The following JAM3 variants were observed in gnomAD, a reference collection of about 807,000 sequenced individuals.
JAM3 encodes the protein junctional adhesion molecule C.
A neutral mutation model predicts 39.4 loss-of-function variants in JAM3; 31 were observed. The observed-to-expected ratio is 0.79, with a 90% CI of 0.59 to 1.06. JAM3 has a LOEUF of 1.06. Ranked by LOEUF, JAM3 falls within the 50% of genes least tolerant of loss-of-function variation. The pLI is 0.00. For synonymous variants in JAM3, 182 were observed against 148.7 expected (o/e 1.22, Z -1.63); for missense variants, 455 against 391.4 (o/e 1.16, Z -1.37).
chr11:134,121,002 G>T (rs1047852878), intron 1 of JAM3, among the ~76,000 whole-genome samples: 1 of 152,194 alleles, frequency 6.6e-6, no homozygotes, highest in African/African-American at 2.4e-5. Context: ...CTGTGTTTCT[G>T]TGCACCAACC....
intron 1 of JAM3, among the ~76,000 whole-genome samples, chr11:134,105,862 T>A (rs1476116081): frequency 6.6e-6 from 1 of 152,172 alleles, no homozygotes; most frequent in Non-Finnish European, 1.5e-5. Flanking sequence ...CACAAACAAA[T>A]GGAAGAACAT....
In JAM3 at chr11:134,150,752, A is replaced by G. The variant is rs1943199265; in HGVS notation, c.*1571A>G. 6.6e-6 allele frequency: 1 copy of G among 152,026 alleles called. No homozygotes were observed. 9.4% of individuals were successfully genotyped at this position (152,026 alleles called of 1,614,324 possible). A position where few individuals can be genotyped will look rare whatever the true frequency, so the allele number is the denominator to read the frequency against. On this transcript the variant is annotated 3_prime_UTR_variant, in exon 9 of 9. Coordinates refer to ENST00000299106, the MANE Select transcript of JAM3 (RefSeq NM_032801.5). The stretch of plus-strand genomic sequence containing the variant: ...ACATTTTTAAAAGAAAATGGATCCC[A>G]CTGTTCCTCTTTGCCACAGAGAAAG...
At chr11:134,122,151 A>G (rs996835804) in intron 1 of JAM3, among the ~76,000 whole-genome samples, 1 of 152,218 alleles carries the variant, frequency 6.6e-6, no homozygotes, top group African/African-American at 2.4e-5. Flanking sequence ...AACTCCAGCA[A>G]TAGGAAATAG....
intron 3 of JAM3, among the ~76,000 whole-genome samples, chr11:134,144,039 T>G (rs1943023862): frequency 6.6e-6 from 1 of 152,122 alleles, no homozygotes; most frequent in African/African-American, 2.4e-5. Flanking sequence ...CCAGGAACTA[T>G]TTTTGGTGTT....
In JAM3 at chr11:134,101,626, A is replaced by G. The variant is rs1446618991; in HGVS notation, c.76+32467A>G. 2.0e-5 allele frequency among the ~76,000 whole-genome samples: 3 copies of G among 152,196 alleles called. No homozygotes were observed. The East Asian group carries it at 5.8e-4, about 29-fold the overall frequency. On this transcript the variant is annotated intron_variant, in intron 1 of 8. Coordinates refer to ENST00000299106, the MANE Select transcript of JAM3 (RefSeq NM_032801.5). ...GAGTAACCTTTGTGCCTTTGTAATG[A>G]TAGTGTTCTTTTGGTATAATACTCT... is the stretch of plus-strand genomic sequence containing the variant.
intron 1 of JAM3, among the ~76,000 whole-genome samples, chr11:134,129,492 A>G (rs1203609185): frequency 1.3e-5 from 2 of 152,044 alleles, no homozygotes; most frequent in Non-Finnish European, 2.9e-5. Context: ...AACATTAATT[A>G]CTGTCTCAAA....
chr11:134,083,138 A>T (rs1001878951), intron 1 of JAM3, among the ~76,000 whole-genome samples: 3 of 152,174 alleles, frequency 2.0e-5, no homozygotes, highest in Admixed American at 6.5e-5. Context: ...AATTTTAGAG[A>T]TGCTTACTTC....
At chr11:134,147,284 T>C (rs905824511) in intron 6 of JAM3, among the ~76,000 whole-genome samples, 1 of 151,600 alleles carries the variant, frequency 6.6e-6, no homozygotes, top group African/African-American at 2.4e-5. Flanking sequence ...CAAAACTCTG[T>C]GTCTACTAAA....
chr11:134,134,517 G>T (rs1422593716), intron 1 of JAM3, among the ~76,000 whole-genome samples: 1 of 151,024 alleles, frequency 6.6e-6, no homozygotes, highest in African/African-American at 2.4e-5. Flanking sequence ...AAAGGAGGAA[G>T]AATAAGAATT....
chr11:134,149,454 A>G lies in JAM3; in HGVS notation c.*273A>G, dbSNP rs1222587477. The G allele has an allele frequency of 5.1e-6, 3 of 584,648 alleles. No homozygotes were observed. Among genetic ancestry groups the G allele is most frequent in the East Asian group, 6.0e-5 (2 of 33,488 alleles). 36.2% of individuals were successfully genotyped at this position (584,648 alleles called of 1,614,324 possible). ...GGGTTCCTAATCTGTTTCTGGCCTG[A>G]TTCCCGCATGAGTATTAGGGTGATC... On this transcript the variant is annotated 3_prime_UTR_variant, in exon 9 of 9. Transcript: ENST00000299106.
chr11:134,124,440 T>C, intron 1 of JAM3: 1 of 532,670 alleles, frequency 1.9e-6, no homozygotes, highest in Non-Finnish European at 3.4e-6. Flanking sequence ...CTAAAATGCC[T>C]ATTATCAATC....
Position 134,146,189 on chromosome 11 carries a change from C to T in JAM3, c.712+144C>T, listed in dbSNP as rs568088101. 4 of 705,470 alleles carry T rather than the reference C, an allele frequency of 5.7e-6. No homozygotes were observed. In the East Asian group the frequency reaches 1.1e-4, roughly 19 times the overall value. 43.7% of individuals were successfully genotyped at this position (705,470 alleles called of 1,614,324 possible). ...AGCTGCCTAGGTCCACCAGAACCCA[C>T]TGCACAGTGAAGGGAAGGCTGAGAA... On this transcript the variant is annotated intron_variant, in intron 6 of 8. Transcript: ENST00000299106.
intron 1 of JAM3, among the ~76,000 whole-genome samples, chr11:134,098,500 A>G (rs912467589): frequency 1.3e-5 from 2 of 152,200 alleles, no homozygotes; most frequent in South Asian, 2.1e-4. Context: ...GCCAGGTAGA[A>G]ATAGTATGTA....
intron 1 of JAM3, among the ~76,000 whole-genome samples, chr11:134,117,081 GC>G (rs1239206432): frequency 6.6e-6 from 1 of 152,010 alleles, no homozygotes; most frequent in Admixed American, 6.6e-5. Context: ...ACAATCCACG[GC>G]CAGGCACAGT....
At chr11:134,072,057 G>T (rs531329592) in intron 1 of JAM3, among the ~76,000 whole-genome samples, 78 of 152,218 alleles carry the variant, frequency 5.1e-4, no homozygotes, top group African/African-American at 1.9e-3. Context: ...TAAACTCCAT[G>T]GGGTGGGTTT....
intron 1 of JAM3, among the ~76,000 whole-genome samples, chr11:134,098,360 GC>G (rs1942019914): frequency 6.6e-6 from 1 of 152,096 alleles, no homozygotes; most frequent in African/African-American, 2.4e-5. Context: ...TTTAAAAAAA[GC>G]TAGTTCTTGG....
intron 1 of JAM3, among the ~76,000 whole-genome samples, chr11:134,113,275 G>A (rs550746318): frequency 6.6e-6 from 1 of 151,160 alleles, no homozygotes; most frequent in South Asian, 2.1e-4. Flanking sequence ...CATGTGCTGT[G>A]TTGGTGTGCT....
At chr11:134,107,332 T>G (rs1218914125) in intron 1 of JAM3, among the ~76,000 whole-genome samples, 3 of 151,746 alleles carry the variant, frequency 2.0e-5, no homozygotes, top group Non-Finnish European at 4.4e-5. Flanking sequence ...GGACCTGTTG[T>G]GGGGTTGGGA....
chr11:134,113,316 A>G (rs1023145488), intron 1 of JAM3, among the ~76,000 whole-genome samples: 1 of 151,670 alleles, frequency 6.6e-6, no homozygotes, highest in Admixed American at 6.6e-5. Context: ...TACATTAGGT[A>G]TATCTCCTAA....
Sources: gnomAD v4.1 joint callset for allele counts (sites outside exome capture counted in the v4.1 genomes callset) on GRCh38, gnomAD v4.1.1 for gene constraint, MANE v1.5 for transcripts, NCBI Gene and HGNC (gene_info 2026-07-23, HGNC 2026-07-21) for gene names.